The following CLRN3 variants were observed in gnomAD, a reference collection of about 807,000 sequenced individuals.
CLRN3 encodes the protein clarin 3.
In CLRN3, 12 loss-of-function variants were observed where a neutral mutation model predicts 16.7. That is an observed-to-expected ratio of 0.72 (90% CI 0.46 to 1.16). The LOEUF (loss-of-function observed/expected upper bound fraction) is 1.16. CLRN3 is among the 50% of genes most tolerant of loss of function. The pLI is 0.00. For missense variants in CLRN3, 296 were observed against 274.2 expected (o/e 1.08, Z -0.56); for synonymous variants, 118 against 113.0 (o/e 1.04, Z -0.28).
At chr10:127,884,725 C>T (rs1193048998) in intron 1 of CLRN3, among the ~76,000 whole-genome samples, 1 of 152,236 alleles carries the variant, frequency 6.6e-6, no homozygotes, top group African/African-American at 2.4e-5. Flanking sequence ...TTTTGCCTTT[C>T]TCAGGCTTCT....
chr10:127,880,719 G>A (rs1175953844), intron 2 of CLRN3, among the ~76,000 whole-genome samples: 1 of 152,068 alleles, frequency 6.6e-6, no homozygotes, highest in East Asian at 1.9e-4. Context: ...TCTCCTCAAA[G>A]CAGAACCTGC....
At chr10:127,888,254 T>C (rs1460412053) in intron 1 of CLRN3, among the ~76,000 whole-genome samples, 3 of 152,154 alleles carry the variant, frequency 2.0e-5, no homozygotes, top group African/African-American at 7.2e-5. Flanking sequence ...TGTGGCCTGG[T>C]AGCTCTCCCA....
intron 1 of CLRN3, among the ~76,000 whole-genome samples, chr10:127,889,973 C>T (rs1313925042): frequency 6.6e-6 from 1 of 152,214 alleles, no homozygotes; most frequent in Non-Finnish European, 1.5e-5. Flanking sequence ...TGTCCTCCAA[C>T]TGGGCTTTGC....
At position 127,892,716 on chromosome 10, in the gene CLRN3, T is replaced by C. The variant is rs760690107; in HGVS notation, c.69A>G (p.Val23=). 2 of 1,613,734 alleles carry C rather than the reference T, an allele frequency of 1.2e-6. No individual in the cohort carries two copies. Among genetic ancestry groups the C allele is most frequent in the Admixed American group, 3.3e-5 (2 of 60,020 alleles). The change falls in exon 1 of 3, where the codon GTA becomes GTG. Residue 23 remains valine, a synonymous_variant. Transcript: ENST00000368671. ...CTTGTGTCCCAAGAATAGAGCAAAT[T>C]ACAATGAAGGACCCAAGGCTGGTGA... ...SFFTSLGSFI[V]ICSILGTQAW...
At chr10:127,888,315 A>G (rs10741297) in intron 1 of CLRN3, among the ~76,000 whole-genome samples, 86,818 of 151,936 alleles carry the variant, frequency 0.57, 25,811 homozygotes, top group African/African-American at 0.73. Context: ...AGGGTTCCTT[A>G]GGGAGAAGTG....
At chr10:127,891,253 A>G (rs1195700716) in intron 1 of CLRN3, among the ~76,000 whole-genome samples, 2 of 152,210 alleles carry the variant, frequency 1.3e-5, no homozygotes, top group African/African-American at 4.8e-5. Context: ...CTCCGTGCAT[A>G]GAGATAGTTG....
chr10:127,880,483 A>G (rs536851263), intron 2 of CLRN3, among the ~76,000 whole-genome samples: 57 of 152,318 alleles, frequency 3.7e-4, no homozygotes, highest in African/African-American at 1.3e-3. Flanking sequence ...GCCTGTGACC[A>G]TCGGGCCCTG....
chr10:127,879,388 G>A (rs1213284763), intron 2 of CLRN3, among the ~76,000 whole-genome samples: 5 of 152,132 alleles, frequency 3.3e-5, no homozygotes, highest in African/African-American at 9.7e-5. Context: ...CTACTCTGCC[G>A]AGCCCTAAAG....
chr10:127,883,983 T>C, intron 1 of CLRN3, 108 bp from the exon 2 acceptor site: 1 of 1,053,748 alleles, frequency 9.5e-7, no homozygotes, highest in Non-Finnish European at 1.4e-6. Context: ...GGTTGTTGGA[T>C]GTCAGTTAGA....
chr10:127,889,099 A>G (rs1485186967), intron 1 of CLRN3, among the ~76,000 whole-genome samples: 1 of 152,204 alleles, frequency 6.6e-6, no homozygotes, highest in Non-Finnish European at 1.5e-5. Flanking sequence ...GCAGTGTCAC[A>G]TGAGGAGAAA....
chr10:127,890,049 A>G (rs181564142), intron 1 of CLRN3, among the ~76,000 whole-genome samples: 5 of 152,338 alleles, frequency 3.3e-5, no homozygotes, highest in Middle Eastern at 6.8e-3. Context: ...TCCAGCAGTG[A>G]GTGCAGGGCA....
chr10:127,888,917 A>G (rs1845227151), intron 1 of CLRN3, among the ~76,000 whole-genome samples: 1 of 152,178 alleles, frequency 6.6e-6, no homozygotes, highest in East Asian at 1.9e-4. Flanking sequence ...AAGATTTTTA[A>G]AAAACGAGCA....
intron 1 of CLRN3, among the ~76,000 whole-genome samples, chr10:127,890,525 AATT>A (rs1845246494): frequency 6.6e-6 from 1 of 152,140 alleles, no homozygotes; most frequent in African/African-American, 2.4e-5. Context: ...GCTTTGCAAT[AATT>A]ATTACTCTTG....
chr10:127,888,676 C>A (rs1845224628), intron 1 of CLRN3, among the ~76,000 whole-genome samples: 1 of 152,168 alleles, frequency 6.6e-6, no homozygotes, highest in Admixed American at 6.5e-5. Flanking sequence ...TGCAGTGAAT[C>A]CTGACTCGGA....
intron 1 of CLRN3, among the ~76,000 whole-genome samples, chr10:127,885,981 C>T (rs1317324491): frequency 1.3e-5 from 2 of 152,132 alleles, no homozygotes; most frequent in Non-Finnish European, 2.9e-5. Flanking sequence ...TCTCGAACTC[C>T]CAACCTCAGG....
intron 2 of CLRN3, among the ~76,000 whole-genome samples, chr10:127,882,818 C>T (rs1375844144): frequency 6.6e-6 from 1 of 152,176 alleles, no homozygotes; most frequent in Non-Finnish European, 1.5e-5. Flanking sequence ...TTCCTTAGGA[C>T]AGGCTTCATT....
chr10:127,881,023 T>A (rs1367199756), intron 2 of CLRN3, among the ~76,000 whole-genome samples: 1 of 152,162 alleles, frequency 6.6e-6, no homozygotes, highest in Non-Finnish European at 1.5e-5. Context: ...CCCAAAGGGC[T>A]ACTTTGGGCA....
intron 2 of CLRN3, among the ~76,000 whole-genome samples, chr10:127,880,679 C>T (rs1270145694): frequency 1.3e-5 from 2 of 152,096 alleles, no homozygotes; most frequent in African/African-American, 2.4e-5. Context: ...TCAGAGGTCA[C>T]GGGAACCTAG....
rs530269291 is a variant in CLRN3 at position 127,892,453 on chromosome 10, C to T, written c.229+103G>A. 34 of 740,540 alleles carry T rather than the reference C, an allele frequency of 4.6e-5. No homozygotes were observed. In the South Asian group the frequency reaches 5.7e-4, roughly 12 times the overall value. 45.9% of individuals were successfully genotyped at this position (740,540 alleles called of 1,614,324 possible). Reference sequence around the variant, plus strand: ...CTTGTACCTTCAGCCTAACCCAAAACTTACAAAGAAATTATTTTTGAATGG... The same window carrying T: ...CTTGTACCTTCAGCCTAACCCAAAATTTACAAAGAAATTATTTTTGAATGG... On this transcript the variant is annotated intron_variant, in intron 1 of 2. Transcript: ENST00000368671.
Sources: gnomAD v4.1 joint callset for allele counts (sites outside exome capture counted in the v4.1 genomes callset) on GRCh38, gnomAD v4.1.1 for gene constraint, MANE v1.5 for transcripts, NCBI Gene and HGNC (gene_info 2026-07-23, HGNC 2026-07-21) for gene names.